The following RAPGEF1 variants were observed in gnomAD, a reference collection of about 807,000 sequenced individuals.
The protein encoded by RAPGEF1 is Rap guanine nucleotide exchange factor 1, also known as CRK SH3-binding GNRP.
A neutral mutation model predicts 143.3 loss-of-function variants in RAPGEF1; 33 were observed. That is an observed-to-expected ratio of 0.23 (90% confidence interval 0.17 to 0.31). The LOEUF is 0.31. Among genes scored for constraint, RAPGEF1 ranks in the 10% least tolerant of loss-of-function variants. The probability of loss-of-function intolerance (pLI) is 1.00; values close to 1 mark genes in which losing one functional copy is unlikely to be tolerated. For synonymous variants in RAPGEF1, 629 were observed against 676.5 expected, an observed-to-expected ratio of 0.93 and a Z score of 1.09; for missense variants, 1,199 against 1,645.4, an observed-to-expected ratio of 0.73 and a Z score of 4.69.
chr9:131,584,988 G>C lies in RAPGEF1; in HGVS notation c.3234-392C>G, dbSNP rs563524547. Among the ~76,000 whole-genome samples, 87 of 152,320 alleles carry C rather than the reference G, an allele frequency of 5.7e-4. 1 individual carries two copies. Among genetic ancestry groups the C allele is most frequent in the Non-Finnish European group, 5.9e-5 (4 of 68,028 alleles). Reference sequence around the variant, plus strand: ...CTGGCTCGGGGAGACCCGCTAGCACGTGAGGTAAGAGGTCACCTTGGGCAG... The same window carrying C: ...CTGGCTCGGGGAGACCCGCTAGCACCTGAGGTAAGAGGTCACCTTGGGCAG... On this transcript the variant is annotated intron_variant, in intron 22 of 26. Coordinates refer to ENST00000683357, the MANE Select transcript of RAPGEF1 (RefSeq NM_001377935.1). The surrounding 1 kb of genome is among the most constrained non-coding windows in gnomAD (Gnocchi z 6.8).
Position 131,643,417 on chromosome 9 carries a change from T to G in RAPGEF1, c.316A>C (p.Asn106His), listed in dbSNP as rs760511714. The G allele has an allele frequency of 6.2e-7, 1 of 1,611,876 alleles. No homozygotes were observed. The highest frequency in any genetic ancestry group is 2.2e-5 in the East Asian group (1 of 44,852). ...TCTTTCTCCTCCAGCCAGCTCAGGT[T>G]CTGAAAGGAGACGTTAGGCATAAGG... ...AVASRSQRQK[N>H]LSWLEEKEKE... The change falls in exon 4 of 27, where the codon AAC becomes CAC. Residue 106 changes from asparagine (N) to histidine (H), a missense_variant and splice_region_variant. Physicochemically the swap from Asn to His is moderately conservative, Grantham distance 68. Around this residue, in one of 6 missense-constraint regions of RAPGEF1, gnomAD observed 613 missense variants for 710.9 expected, o/e 0.86. Transcript: ENST00000683357.
In RAPGEF1 at chr9:131,629,335, G is replaced by A. The variant is rs1343751647; in HGVS notation, c.741-81C>T. On this transcript the variant is annotated intron_variant, in intron 6 of 26. Transcript: ENST00000683357. Reference sequence around the variant, plus strand: ...ACACAGGCCCTGAGAGGGTGAGGACGTGACCAGGAAGAACACAGTGGGTGA... The same window carrying A: ...ACACAGGCCCTGAGAGGGTGAGGACATGACCAGGAAGAACACAGTGGGTGA... 24 of 1,399,440 alleles carry A rather than the reference G, an allele frequency of 1.7e-5. 1 individual carries two copies. In the South Asian group the frequency reaches 1.9e-4, roughly 11 times the overall value. The allele number at this position is 1,399,440 out of a possible 1,614,324, so 86.7% of individuals were successfully genotyped here.
At chr9:131,658,939 T>TA (rs1207397966) in intron 1 of RAPGEF1, among the ~76,000 whole-genome samples, 1 of 152,190 alleles carries the variant, frequency 6.6e-6, no homozygotes, top group African/African-American at 2.4e-5. Context: ...TGTCTCAACT[T>TA]AATCTCTCAC....
At chr9:131,648,108 G>A (rs11790926) in intron 3 of RAPGEF1, among the ~76,000 whole-genome samples, 32,251 of 152,076 alleles carry the variant, frequency 0.21, 4,118 homozygotes, top group Non-Finnish European at 0.29. Context: ...GGAAAATCCC[G>A]GCTGGGTGCG....
At chr9:131,612,222 C>T (rs899202658) in intron 12 of RAPGEF1, among the ~76,000 whole-genome samples, 1 of 152,176 alleles carries the variant, frequency 6.6e-6, no homozygotes, top group South Asian at 2.1e-4. Flanking sequence ...CTTAAAACTT[C>T]TCCTCTGTAA....
At chr9:131,645,120 C>T (rs915881622) in intron 3 of RAPGEF1, among the ~76,000 whole-genome samples, 4 of 152,184 alleles carry the variant, frequency 2.6e-5, no homozygotes, top group Non-Finnish European at 4.4e-5. Context: ...AGAGGCTGGG[C>T]GCTTACTTTT....
chr9:131,595,837 T>C (rs968953104), intron 17 of RAPGEF1, among the ~76,000 whole-genome samples: 8 of 152,334 alleles, frequency 5.3e-5, no homozygotes, highest in African/African-American at 7.2e-5. Flanking sequence ...TGCTACAGAA[T>C]TGAAGGTTCC....
intron 22 of RAPGEF1, among the ~76,000 whole-genome samples, chr9:131,586,649 A>C (rs1358817270): frequency 1.4e-5 from 1 of 69,676 alleles, no homozygotes; most frequent in Non-Finnish European, 2.5e-5. Flanking sequence ...CTCCGTCTCA[A>C]ACACACACAC....
At chr9:131,714,941 C>T (rs1835758908) in intron 1 of RAPGEF1, among the ~76,000 whole-genome samples, 1 of 152,008 alleles carries the variant, frequency 6.6e-6, no homozygotes, top group Non-Finnish European at 1.5e-5. Flanking sequence ...AAACTCATGG[C>T]CTCAGGTGAT....
intron 12 of RAPGEF1, among the ~76,000 whole-genome samples, chr9:131,613,389 G>C (rs775173921): frequency 6.6e-6 from 1 of 152,190 alleles, no homozygotes; most frequent in Non-Finnish European, 1.5e-5. Context: ...TGAAGAGCCA[G>C]GGAAGCTGGC....
intron 1 of RAPGEF1, among the ~76,000 whole-genome samples, chr9:131,716,532 G>C (rs1418767079): frequency 6.6e-6 from 1 of 152,232 alleles, no homozygotes; most frequent in Non-Finnish European, 1.5e-5. Context: ...TTGGGAGGCA[G>C]AGGTAGGTTG....
rs999700289 is a variant in RAPGEF1, at chr9:131,578,118, G to A, written c.*1379C>T. The A allele has an allele frequency of 1.3e-5, 2 of 152,262 alleles. No homozygotes were observed. The highest frequency in any genetic ancestry group is 2.4e-5 in the African/African-American group (1 of 41,458). The allele number at this position is 152,262 out of a possible 1,614,324, so 9.4% of individuals were successfully genotyped here. A position where few individuals can be genotyped will look rare whatever the true frequency, so the allele number is the denominator to read the frequency against. ...GCACTCATTCATGCACAGCAGACCC[G>A]GAGGCATGGGCTGGGGCAGCACAAC... On this transcript the variant is annotated 3_prime_UTR_variant, in exon 27 of 27. Transcript: ENST00000683357.
intron 1 of RAPGEF1, 77 bp from the exon 2 acceptor site, chr9:131,651,026 G>A: frequency 6.6e-7 from 1 of 1,509,508 alleles, no homozygotes. Context: ...GTGGAAATGA[G>A]CAATGTCCCC....
intron 5 of RAPGEF1, among the ~76,000 whole-genome samples, chr9:131,631,194 G>A (rs1964745396): frequency 6.6e-6 from 1 of 152,108 alleles, no homozygotes; most frequent in Non-Finnish European, 1.5e-5. Context: ...CAGCTTTATG[G>A]ATATATAACT....
rs1368879632 is a variant in RAPGEF1 at position 131,584,116 on chromosome 9, G to C, written c.3414+195C>G. On this transcript the variant is annotated intron_variant, in intron 24 of 26. Transcript: ENST00000683357. The surrounding 1 kb of genome is among the most constrained non-coding windows in gnomAD (Gnocchi z 6.8). ...CAGAACCAACCTCGAAGCTCCCGGG[G>C]GCCTGAAGATTGGGGATCAGAGACA... 6.6e-6 allele frequency among the ~76,000 whole-genome samples: 1 copy of C among 152,200 alleles called. No homozygotes were observed. Among genetic ancestry groups the C allele is most frequent in the Non-Finnish European group, 1.5e-5 (1 of 68,038 alleles).
In RAPGEF1 at chr9:131,657,241, GCAGA is replaced by G. The variant is rs770965642; in HGVS notation, c.62-6296_62-6293del. Reference sequence around the variant, plus strand: ...CTCGCCAACGGCTCCAGACAGGCAGGCAGACAGACAGACAGACAGACAGATGCAC... The same window carrying G: ...CTCGCCAACGGCTCCAGACAGGCAGGCAGACAGACAGACAGACAGATGCAC... On this transcript the variant is annotated intron_variant, in intron 1 of 26. Transcript: ENST00000683357. 1.1e-4 allele frequency among the ~76,000 whole-genome samples: 17 copies of G among 152,234 alleles called. No homozygotes were observed. In the East Asian group the frequency reaches 1.4e-3, roughly 12 times the overall value.
chr9:131,663,159 G>A (rs1215659013), intron 1 of RAPGEF1, among the ~76,000 whole-genome samples: 1 of 150,958 alleles, frequency 6.6e-6, no homozygotes, highest in South Asian at 2.1e-4. Context: ...ACTATGAAGC[G>A]AACGTCCACA....
chr9:131,592,126 T>C lies in RAPGEF1; in HGVS notation c.2747A>G (p.Glu916Gly). 6.2e-7 allele frequency: 1 copy of C among 1,612,678 alleles called. No homozygotes were observed. Residue 916 changes from glutamate (E) to glycine (G), a missense_variant, in exon 18 of 27, where the codon GAG (glutamate) becomes GGG (glycine). This residue lies in a region of RAPGEF1 where 209 missense variants were observed against 403.0 expected (regional missense o/e 0.52). Coordinates refer to ENST00000683357, the MANE Select transcript of RAPGEF1 (RefSeq NM_001377935.1). Reference sequence around the variant, plus strand: ...GTACTGCAGCTTCTTGATGAGCTCCTCTGGGGAGATGAAGGTCCTGTAGGT... The same window carrying C: ...GTACTGCAGCTTCTTGATGAGCTCCCCTGGGGAGATGAAGGTCCTGTAGGT... ...LTTYRTFISPEELIKKLQYRY... is the reference protein window; with the variant it reads ...LTTYRTFISPGELIKKLQYRY...
chr9:131,659,350 T>C (rs1316382225), intron 1 of RAPGEF1, among the ~76,000 whole-genome samples: 6 of 152,102 alleles, frequency 3.9e-5, no homozygotes, highest in Admixed American at 3.9e-4. Context: ...TCTATTTATT[T>C]ATTTTATCTT....
Sources: allele counts gnomAD v4.1 joint callset (sites outside exome capture counted in the v4.1 genomes callset), GRCh38; gene constraint gnomAD v4.1.1; regional missense constraint gnomAD v4.1.1; non-coding constraint Gnocchi (gnomAD v3.1); transcripts MANE v1.5; gene names NCBI Gene and HGNC (gene_info 2026-07-23, HGNC 2026-07-21).